DPF1: variants seen among roughly 807,000 people sequenced by gnomAD.
The protein encoded by DPF1 is double PHD fingers 1.
In DPF1, 14 loss-of-function variants were observed where a neutral mutation model predicts 58.7. The ratio of observed to expected loss-of-function variants is 0.24; its 90% confidence interval spans 0.16 to 0.37. The LOEUF is 0.37. Among genes scored for constraint, DPF1 ranks in the 10% least tolerant of loss-of-function variants. DPF1 has a pLI of 1.00. For synonymous variants in DPF1, 216 were observed against 216.0 expected, an observed-to-expected ratio of 1.00 and a Z score of 0.00; for missense variants, 345 against 529.9, an observed-to-expected ratio of 0.65 and a Z score of 3.43.
chr19:38,221,927 C>G (rs1967505569), intron 3 of DPF1, among the ~76,000 whole-genome samples: 1 of 151,808 alleles, frequency 6.6e-6, no homozygotes, highest in Non-Finnish European at 1.5e-5. Context: ...ACTAAAAATA[C>G]AAAATCAGCC....
chr19:38,224,797 T>C (rs1967746873), upstream of DPF1, among the ~76,000 whole-genome samples: 1 of 152,140 alleles, frequency 6.6e-6, no homozygotes, highest in African/African-American at 2.4e-5. This position sits in a 1 kb window ranked among gnomAD's most constrained non-coding sequence, Gnocchi z 4.5. Flanking sequence ...TAGTCACACC[T>C]CCAGGGTTCA....
chr19:38,218,478 G>T, intron 5 of DPF1, 95 bp downstream of exon 5: 1 of 1,306,326 alleles, frequency 7.7e-7, no homozygotes, highest in Non-Finnish European at 1.1e-6. Context: ...GTCAGACTGA[G>T]GTCAGACTGT....
chr19:38,224,226 A>G, upstream of DPF1: 2 of 1,293,540 alleles, frequency 1.5e-6, no homozygotes, highest in African/African-American at 1.5e-5. This position sits in a 1 kb window ranked among gnomAD's most constrained non-coding sequence, Gnocchi z 4.5. Context: ...CCGCCCATCC[A>G]TTCATTCCCG....
chr19:38,222,718 C>CGGCGAACGGGCG lies in DPF1; in HGVS notation c.30-22_30-11dup, dbSNP rs1220280483. On this transcript the variant is annotated splice_polypyrimidine_tract_variant and intron_variant, in intron 1 of 11. Coordinates refer to ENST00000355526, the MANE Select transcript of DPF1 (RefSeq NM_001135155.3). The surrounding 1 kb of genome is among the most constrained non-coding windows in gnomAD (Gnocchi z 4.9). Reference sequence around the variant, plus strand: ...GAAGTCCTCGCCTAGGCTAGAGGGGCGGCGAACGGGCGGGCGGCTGTCAGC... The same window carrying CGGCGAACGGGCG: ...GAAGTCCTCGCCTAGGCTAGAGGGGCGGCGAACGGGCGGGCGAACGGGCGGGCGGCTGTCAGC... The CGGCGAACGGGCG allele has an allele frequency of 3.2e-6, 5 of 1,576,568 alleles. No homozygotes were observed. The highest frequency in any genetic ancestry group is 4.3e-6 in the Non-Finnish European group (5 of 1,160,756).
chr19:38,221,780 C>T (rs1281586159), intron 3 of DPF1, among the ~76,000 whole-genome samples: 1 of 151,874 alleles, frequency 6.6e-6, no homozygotes, highest in Non-Finnish European at 1.5e-5. Flanking sequence ...TAACACCCTG[C>T]CTCTATTTAA....
intron 9 of DPF1, among the ~76,000 whole-genome samples, chr19:38,215,800 C>T (rs1378782236): frequency 6.6e-6 from 1 of 152,002 alleles, no homozygotes; most frequent in Admixed American, 6.6e-5. Context: ...AAATTCCTGG[C>T]CTCAAGTGAT....
At chr19:38,224,354 G>C, upstream of DPF1, 1 of 1,184,520 alleles carries the variant, frequency 8.4e-7, no homozygotes, top group East Asian at 3.2e-5. This position sits in a 1 kb window ranked among gnomAD's most constrained non-coding sequence, Gnocchi z 4.5. Context: ...GGACGGGACG[G>C]CGCGGAGGAG....
chr19:38,212,537 CAT>C, intron 10 of DPF1, 176 bp from the exon 11 acceptor site: 1 of 492,916 alleles, frequency 2.0e-6, no homozygotes, highest in South Asian at 4.2e-5. Context: ...TAGCCAAACA[CAT>C]ATCCCTCAGG....
rs200911411 is a variant in DPF1, at chr19:38,212,172, G to A, written c.1094-39C>T. ...CGAAGCTGAAGTCAGGCCCGGGTCC[G>A]GGAGGGCTGCCCCAGCCCCTTCCCA... is the stretch of plus-strand genomic sequence containing the variant. On this transcript the variant is annotated intron_variant, in intron 11 of 11. Coordinates refer to ENST00000355526, the MANE Select transcript of DPF1 (RefSeq NM_001135155.3). 551 of 1,593,526 alleles carry A rather than the reference G, an allele frequency of 3.5e-4. 1 individual carries two copies. In the African/African-American group the frequency reaches 6.6e-3, roughly 19 times the overall value.
chr19:38,222,490 CGGCGGCGGTGG>C lies in DPF1; in HGVS notation c.191-37_191-27del. 2 of 1,579,582 alleles carry C rather than the reference CGGCGGCGGTGG, an allele frequency of 1.3e-6. No individual in the cohort carries two copies. The highest frequency in any genetic ancestry group is 1.7e-6 in the Non-Finnish European group (2 of 1,168,494). On this transcript the variant is annotated intron_variant, in intron 2 of 11. Coordinates refer to ENST00000355526, the MANE Select transcript of DPF1 (RefSeq NM_001135155.3). This position sits in a 1 kb window ranked among gnomAD's most constrained non-coding sequence, Gnocchi z 4.9. ...CTGGAGAGAGAGGGGGGTGAGAGGG[CGGCGGCGGTGG>C]GGCGGCCTGGCCCCGCCCCGCCCTG...
chr19:38,217,608 C>A lies in DPF1; in HGVS notation c.596-17G>T. 6.5e-7 allele frequency: 1 copy of A among 1,539,718 alleles called. No homozygotes were observed. Among genetic ancestry groups the A allele is most frequent in the Non-Finnish European group, 8.8e-7 (1 of 1,139,314 alleles). The stretch of plus-strand genomic sequence containing the variant: ...TCCCACAGACTGGGGAGCGAGCGAG[C>A]CAGGAGGGCCTGTCAGCCCCTCCGG... On this transcript the variant is annotated splice_polypyrimidine_tract_variant and intron_variant, in intron 6 of 11. Transcript: ENST00000355526.
Position 38,216,411 on chromosome 19 carries a change from AG to A in DPF1, c.728-9del, listed in dbSNP as rs770727581. The A allele has an allele frequency of 1.9e-6, 3 of 1,577,424 alleles. No homozygotes were observed. Among genetic ancestry groups the A allele is most frequent in the African/African-American group, 1.4e-5 (1 of 74,070 alleles). On this transcript the variant is annotated splice_polypyrimidine_tract_variant and intron_variant, in intron 7 of 11. Coordinates refer to ENST00000355526, the MANE Select transcript of DPF1 (RefSeq NM_001135155.3). ...CCAATTCTTTGTAAAACTCTGGGGT[AG>A]GGGGGACAGAGAGAGGGACTCTCAC...
intron 9 of DPF1, 104 bp from the exon 10 acceptor site, chr19:38,213,860 G>A (rs1368244297): frequency 8.8e-6 from 8 of 906,528 alleles, no homozygotes; most frequent in South Asian, 3.2e-5. Context: ...GGCTCATGAC[G>A]CCAGGATGAG....
At chr19:38,216,604 T>A in intron 7 of DPF1, 1 of 535,522 alleles carries the variant, frequency 1.9e-6, no homozygotes, top group Non-Finnish European at 2.9e-6. Context: ...TTTTTTCAAT[T>A]AAAAATAAAG....
rs1321195466 is a variant in DPF1 at position 38,229,600 on chromosome 19, G to C, written c.-173C>G. The C allele has an allele frequency of 1.8e-6, 2 of 1,118,926 alleles. No homozygotes were observed. The highest frequency in any genetic ancestry group is 3.3e-5 in the African/African-American group (2 of 60,486). The allele number at this position is 1,118,926 out of a possible 1,614,324, so 69.3% of individuals were successfully genotyped here. ...GAATGGCGGTGGCCATGGCCCGCTC[G>C]GCTGGGCCGCCTCCGGCCCGGGGCG... On this transcript the variant is annotated 5_prime_UTR_variant, in exon 1 of 12. Transcript: ENST00000412732. This position sits in a 1 kb window ranked among gnomAD's most constrained non-coding sequence, Gnocchi z 5.3.
chr19:38,227,251 G>A (rs990678914), upstream of DPF1, among the ~76,000 whole-genome samples: 1 of 151,762 alleles, frequency 6.6e-6, no homozygotes, highest in Admixed American at 6.6e-5. Flanking sequence ...GCTAATTTTT[G>A]TATTTTTGTA....
In DPF1 at chr19:38,229,434, C is replaced by T. The variant is rs1967957503; in HGVS notation, c.-132+125G>A. 1.3e-5 allele frequency: 5 copies of T among 394,930 alleles called. No homozygotes were observed. Among genetic ancestry groups the T allele is most frequent in the Non-Finnish European group, 1.8e-5 (5 of 282,010 alleles). 24.5% of individuals were successfully genotyped at this position (394,930 alleles called of 1,614,324 possible). ...TGGGGACCCCCGGGGCAAGGGTTCG[C>T]GCTGGGGGCCCCCATTCAACTACGG... On this transcript the variant is annotated intron_variant, in intron 1 of 11. Coordinates refer to the DPF1 transcript ENST00000412732. The surrounding 1 kb of genome is among the most constrained non-coding windows in gnomAD (Gnocchi z 5.3).
chr19:38,226,830 G>A (rs574344455), upstream of DPF1, among the ~76,000 whole-genome samples: 3 of 151,796 alleles, frequency 2.0e-5, no homozygotes, highest in Admixed American at 6.6e-5. Flanking sequence ...TTCCCACACC[G>A]CTAGCCTCAG....
At chr19:38,214,639 T>C (rs889059649) in intron 9 of DPF1, among the ~76,000 whole-genome samples, 1 of 152,132 alleles carries the variant, frequency 6.6e-6, no homozygotes, top group Admixed American at 6.6e-5. Flanking sequence ...TGCCATGCCT[T>C]GGCCCCTGTC....
Sources: allele counts gnomAD v4.1 joint callset (sites outside exome capture counted in the v4.1 genomes callset), GRCh38; gene constraint gnomAD v4.1.1; non-coding constraint Gnocchi (gnomAD v3.1); transcripts MANE v1.5; gene names NCBI Gene and HGNC (gene_info 2026-07-23, HGNC 2026-07-21).